ALK: variants seen among roughly 807,000 people sequenced by gnomAD.
The protein encoded by ALK is ALK tyrosine kinase receptor.
A neutral mutation model predicts 163.1 loss-of-function variants in ALK; 74 were observed. The observed-to-expected ratio is 0.45, with a 90% CI of 0.38 to 0.55. ALK has a LOEUF of 0.55. Ranked by LOEUF, ALK falls within the 20% of genes least tolerant of loss-of-function variation. The pLI is 0.00. For missense variants in ALK, 2,063 were observed against 2,105.3 expected (o/e 0.98, Z 0.39); for synonymous variants, 960 against 843.2 (o/e 1.14, Z -2.40).
intron 1 of ALK, among the ~76,000 whole-genome samples, chr2:29,827,206 G>C (rs541502731): frequency 6.6e-6 from 1 of 152,326 alleles, no homozygotes; most frequent in South Asian, 2.1e-4. Context: ...TCCAAGCCCA[G>C]AAAAATTAGA....
chr2:29,508,755 A>AAAAAAAAAAC (rs1672421784), intron 4 of ALK, among the ~76,000 whole-genome samples: 1 of 116,028 alleles, frequency 8.6e-6, no homozygotes. Flanking sequence ...AAAAAAAAAA[A>AAAAAAAAAAC]AAAGAAATCC....
intron 1 of ALK, among the ~76,000 whole-genome samples, chr2:29,899,379 G>A (rs1667351062): frequency 6.6e-6 from 1 of 152,174 alleles, no homozygotes; most frequent in Admixed American, 6.5e-5. Context: ...AGGTGCCAAG[G>A]GCTTCTGCAG....
chr2:29,771,249 AT>A (rs1278580205), intron 1 of ALK, among the ~76,000 whole-genome samples: 5 of 152,160 alleles, frequency 3.3e-5, no homozygotes, highest in African/African-American at 4.8e-5. Context: ...ATTCAAAAAA[AT>A]GTCCCTAAAC....
intron 3 of ALK, among the ~76,000 whole-genome samples, chr2:29,537,751 C>T (rs1370774893): frequency 6.6e-6 from 1 of 152,224 alleles, no homozygotes; most frequent in East Asian, 1.9e-4. Context: ...AAGCTGCAGA[C>T]ACTCAACTCC....
At chr2:29,484,709 C>A (rs1671739376) in intron 4 of ALK, among the ~76,000 whole-genome samples, 1 of 152,136 alleles carries the variant, frequency 6.6e-6, no homozygotes, top group Non-Finnish European at 1.5e-5. Flanking sequence ...CTTCAATAGT[C>A]TTTTCATGAG....
intron 4 of ALK, among the ~76,000 whole-genome samples, chr2:29,528,053 T>G (rs1177881750): frequency 6.6e-6 from 1 of 152,208 alleles, no homozygotes; most frequent in Non-Finnish European, 1.5e-5. Context: ...TTATCTTGGC[T>G]CAAGCCTGAG....
At chr2:29,525,614 A>T (rs896274711) in intron 4 of ALK, among the ~76,000 whole-genome samples, 3 of 151,830 alleles carry the variant, frequency 2.0e-5, no homozygotes, top group Non-Finnish European at 2.9e-5. Context: ...AGATGGTAAA[A>T]CCCTGTCTCT....
At chr2:29,725,797 T>C (rs1202948917) in intron 1 of ALK, among the ~76,000 whole-genome samples, 1 of 152,178 alleles carries the variant, frequency 6.6e-6, no homozygotes, top group African/African-American at 2.4e-5. Flanking sequence ...ATGCAGGTAC[T>C]AGTGACTCAT....
rs1198422924 is a variant in ALK, at chr2:29,291,201, AT to A, written c.1817+5686del. Among the ~76,000 whole-genome samples, 362 of 148,684 alleles carry A rather than the reference AT, an allele frequency of 2.4e-3. 1 individual carries two copies. The highest frequency in any genetic ancestry group is 7.7e-3 in the African/African-American group (313 of 40,520). ...AACATAGCAAGACCCTGTCTGTACAATTTTTTTTTTTAATTAGCTGGGCATG... is the reference window on the plus strand; with the variant it reads ...AACATAGCAAGACCCTGTCTGTACAATTTTTTTTTTAATTAGCTGGGCATG... On this transcript the variant is annotated intron_variant, in intron 9 of 28. Transcript: ENST00000389048.
At chr2:29,321,654 C>A (rs1188996498) in intron 6 of ALK, among the ~76,000 whole-genome samples, 2 of 152,186 alleles carry the variant, frequency 1.3e-5, no homozygotes, top group Non-Finnish European at 2.9e-5. Flanking sequence ...GACGGAGGAG[C>A]CTCTGCCAGC....
At chr2:29,410,972 G>A (rs1424999735) in intron 4 of ALK, among the ~76,000 whole-genome samples, 1 of 152,106 alleles carries the variant, frequency 6.6e-6, no homozygotes, top group African/African-American at 2.4e-5. Flanking sequence ...TTGACTTTTT[G>A]ATTCTTGTAG....
At chr2:29,201,036 CT>C (rs1216083016) in intron 26 of ALK, among the ~76,000 whole-genome samples, 1 of 151,072 alleles carries the variant, frequency 6.6e-6, no homozygotes, top group African/African-American at 2.4e-5. Context: ...CTGTATCAGC[CT>C]TTAAAAGCTA....
At position 29,887,384 on chromosome 2, in the gene ALK, G is replaced by A. The variant is rs150549319; in HGVS notation, c.667+32609C>T. On this transcript the variant is annotated intron_variant, in intron 1 of 28. Coordinates refer to ENST00000389048, the MANE Select transcript of ALK (RefSeq NM_004304.5). ...AGAGCACTTGGAAGTCTTAAATGGC[G>A]GCTGGCTTCTCCCAAAGTTAGCATC... is the stretch of plus-strand genomic sequence containing the variant. Among the ~76,000 whole-genome samples, 195 of 152,250 alleles carry A rather than the reference G, an allele frequency of 1.3e-3. 2 individuals are homozygous for A. The highest frequency in any genetic ancestry group is 3.9e-3 in the Admixed American group (60 of 15,288).
At chr2:29,919,860 G>C in intron 1 of ALK, 133 bp downstream of exon 1, 6 of 1,132,412 alleles carry the variant, frequency 5.3e-6, no homozygotes, top group Non-Finnish European at 7.5e-6. Flanking sequence ...AAGGAGGTTT[G>C]CGGGAGGAAG....
intron 4 of ALK, among the ~76,000 whole-genome samples, chr2:29,397,539 C>T (rs1178055491): frequency 6.6e-6 from 1 of 152,212 alleles, no homozygotes; most frequent in Non-Finnish European, 1.5e-5. Context: ...GTCGATCATT[C>T]AAAACCATCC....
At chr2:29,758,118 C>T (rs1386936089) in intron 1 of ALK, among the ~76,000 whole-genome samples, 1 of 146,510 alleles carries the variant, frequency 6.8e-6, no homozygotes, top group East Asian at 2.0e-4. Flanking sequence ...TCAAGTGATT[C>T]TCCTGCCTCA....
chr2:29,570,013 C>T (rs1237943752), intron 3 of ALK, among the ~76,000 whole-genome samples: 1 of 152,182 alleles, frequency 6.6e-6, no homozygotes, highest in Middle Eastern at 3.2e-3. Context: ...CCTGAAGGAA[C>T]CACCTGCTTA....
intron 4 of ALK, among the ~76,000 whole-genome samples, chr2:29,400,503 C>A (rs909473950): frequency 1.3e-5 from 2 of 152,194 alleles, no homozygotes; most frequent in Admixed American, 6.5e-5. Flanking sequence ...GGGGACCCCT[C>A]CTTACCAAGG....
At chr2:29,719,405 C>A (rs1478390058) in intron 1 of ALK, among the ~76,000 whole-genome samples, 1 of 152,182 alleles carries the variant, frequency 6.6e-6, no homozygotes, top group African/African-American at 2.4e-5. Flanking sequence ...CAGAGAGAAG[C>A]CATCTCATTT....
Sources: allele counts gnomAD v4.1 joint callset (sites outside exome capture counted in the v4.1 genomes callset), GRCh38; gene constraint gnomAD v4.1.1; transcripts MANE v1.5; gene names NCBI Gene and HGNC (gene_info 2026-07-23, HGNC 2026-07-21).